NDUFAF2: variants seen among roughly 807,000 people sequenced by gnomAD.
The protein encoded by NDUFAF2 is NADH:ubiquinone oxidoreductase complex assembly factor 2.
Under a neutral mutation model 22.8 loss-of-function variants are expected in NDUFAF2, and 13 were observed. That is an observed-to-expected ratio of 0.57 (90% CI 0.37 to 0.91). The LOEUF is 0.91. NDUFAF2 is among the 40% of genes least tolerant of loss of function. The probability of loss-of-function intolerance (pLI) is 0.01; values close to 1 mark genes in which losing one functional copy is unlikely to be tolerated. For synonymous variants in NDUFAF2, 53 were observed against 64.2 expected (o/e 0.83, Z 0.84); for missense variants, 162 against 195.2 (o/e 0.83, Z 1.01).
chr5:61,017,806 G>T (rs1034369019), intron 1 of NDUFAF2, among the ~76,000 whole-genome samples: 1 of 151,986 alleles, frequency 6.6e-6, no homozygotes, highest in Non-Finnish European at 1.5e-5. Context: ...CTGGAATACA[G>T]TGGCTTGACC....
At chr5:61,042,927 G>T (rs959653206) in intron 1 of NDUFAF2, among the ~76,000 whole-genome samples, 1 of 152,158 alleles carries the variant, frequency 6.6e-6, no homozygotes, top group Non-Finnish European at 1.5e-5. Flanking sequence ...ACAGTGAAAA[G>T]ATCAGTGGTT....
intron 1 of NDUFAF2, among the ~76,000 whole-genome samples, chr5:61,019,306 G>C: frequency 6.6e-6 from 1 of 152,038 alleles, no homozygotes; most frequent in East Asian, 1.9e-4. Flanking sequence ...AAACCTGTTA[G>C]TGTTTAGAAG....
chr5:61,114,036 T>C (rs1044452022), intron 3 of NDUFAF2, among the ~76,000 whole-genome samples: 1 of 152,188 alleles, frequency 6.6e-6, no homozygotes, highest in Non-Finnish European at 1.5e-5. Flanking sequence ...CTTGGTATTC[T>C]ATAACCTTTT....
intron 1 of NDUFAF2, among the ~76,000 whole-genome samples, chr5:61,002,494 C>G (rs906322748): frequency 6.6e-6 from 1 of 152,116 alleles, no homozygotes; most frequent in Non-Finnish European, 1.5e-5. Flanking sequence ...GTTCTTTCTT[C>G]TCCTCAACAT....
At chr5:61,083,259 G>T (rs1050987884) in intron 2 of NDUFAF2, 8 of 151,730 alleles carry the variant, frequency 5.3e-5, no homozygotes, top group Admixed American at 3.3e-4. Context: ...ACAGATTCTG[G>T]ATATTATACT....
Position 60,985,862 on chromosome 5 carries a change from G to A in NDUFAF2, c.127+40480G>A, listed in dbSNP as rs144885888. ...CCCACCACATGTGGGAATTGTGGTA[G>A]TTACAATTCAAGATGAGATTTGGGT... On this transcript the variant is annotated intron_variant, in intron 1 of 3. Transcript: ENST00000296597. 1.8e-3 allele frequency among the ~76,000 whole-genome samples: 274 copies of A among 152,298 alleles called. 3 individuals carry two copies. Among genetic ancestry groups the A allele is most frequent in the African/African-American group, 6.4e-3 (267 of 41,570 alleles).
At chr5:61,030,876 A>G (rs1158421332) in intron 1 of NDUFAF2, among the ~76,000 whole-genome samples, 3 of 152,108 alleles carry the variant, frequency 2.0e-5, no homozygotes, top group Admixed American at 2.0e-4. Context: ...TTTATTTTAG[A>G]TGAGAACGTT....
intron 3 of NDUFAF2, among the ~76,000 whole-genome samples, chr5:61,117,775 G>T (rs1215110972): frequency 2.0e-5 from 3 of 152,092 alleles, no homozygotes; most frequent in African/African-American, 4.8e-5. Flanking sequence ...ATATTTTAGG[G>T]TTTGTGACCC....
At chr5:60,960,736 A>T (rs187580925) in intron 1 of NDUFAF2, among the ~76,000 whole-genome samples, 12 of 152,202 alleles carry the variant, frequency 7.9e-5, no homozygotes, top group Admixed American at 1.3e-4. Context: ...GATTTTTTTT[A>T]AAATTAGGTT....
chr5:61,021,682 T>C (rs1056444187), intron 1 of NDUFAF2, among the ~76,000 whole-genome samples: 1 of 152,232 alleles, frequency 6.6e-6, no homozygotes, highest in South Asian at 2.1e-4. Context: ...TCCTTGGTAT[T>C]GATATTATTT....
At chr5:61,078,166 G>T (rs1031363215) in intron 2 of NDUFAF2, among the ~76,000 whole-genome samples, 3 of 151,862 alleles carry the variant, frequency 2.0e-5, no homozygotes, top group African/African-American at 4.8e-5. Flanking sequence ...CACTATAGGG[G>T]GTTCCTTGTT....
intron 1 of NDUFAF2, among the ~76,000 whole-genome samples, chr5:61,026,787 G>GT (rs1268175545): frequency 6.6e-6 from 1 of 151,914 alleles, no homozygotes; most frequent in African/African-American, 2.4e-5. Context: ...AGTGTGGTGG[G>GT]TTTTTTATTT....
chr5:60,984,395 C>T (rs1398588793), intron 1 of NDUFAF2, among the ~76,000 whole-genome samples: 3 of 152,054 alleles, frequency 2.0e-5, no homozygotes, highest in South Asian at 2.1e-4. Context: ...TTATTTCCTT[C>T]TCCTGCCTGA....
intron 3 of NDUFAF2, among the ~76,000 whole-genome samples, chr5:61,117,157 A>T (rs1752921975): frequency 6.6e-6 from 1 of 152,204 alleles, no homozygotes; most frequent in South Asian, 2.1e-4. Context: ...TAACAGTTTT[A>T]AAATATTAGT....
At chr5:60,984,759 G>C (rs1348000825) in intron 1 of NDUFAF2, among the ~76,000 whole-genome samples, 1 of 152,166 alleles carries the variant, frequency 6.6e-6, no homozygotes, top group Non-Finnish European at 1.5e-5. Context: ...TGATCATGGT[G>C]GATAAGCTTT....
intron 3 of NDUFAF2, among the ~76,000 whole-genome samples, chr5:61,123,925 A>G (rs1225092906): frequency 2.0e-5 from 3 of 152,130 alleles, no homozygotes; most frequent in Non-Finnish European, 4.4e-5. Flanking sequence ...GGTATTTTTT[A>G]AATAAAGGGA....
At chr5:61,072,981 A>G (rs1441056444) in intron 1 of NDUFAF2, 144 bp from the exon 2 acceptor site, 1 of 609,866 alleles carries the variant, frequency 1.6e-6, no homozygotes, top group African/African-American at 1.9e-5. Flanking sequence ...TAATATACCT[A>G]ATTCAAAATG....
chr5:60,996,752 T>G (rs13355940), intron 1 of NDUFAF2, among the ~76,000 whole-genome samples: 9,692 of 152,256 alleles, frequency 0.064, 1,017 homozygotes, highest in African/African-American at 0.22. Flanking sequence ...CTGATTTTGA[T>G]GTTCCCTCTG....
At chr5:61,055,455 TG>T (rs1752075775) in intron 1 of NDUFAF2, among the ~76,000 whole-genome samples, 1 of 152,206 alleles carries the variant, frequency 6.6e-6, no homozygotes, top group Non-Finnish European at 1.5e-5. Context: ...AGGAGTTGTA[TG>T]TGTATATGAG....
Sources: allele counts gnomAD v4.1 joint callset (sites outside exome capture counted in the v4.1 genomes callset), GRCh38; gene constraint gnomAD v4.1.1; transcripts MANE v1.5; gene names NCBI Gene and HGNC (gene_info 2026-07-23, HGNC 2026-07-21).